Variants in LRRC1 observed in about 807,000 individuals in gnomAD.
LRRC1 encodes the protein leucine rich repeat containing 1.
LRRC1 carries 28 observed loss-of-function variants against 69.9 expected under a neutral mutation model. The ratio of observed to expected loss-of-function variants is 0.40; its 90% CI spans 0.30 to 0.55. LRRC1 has a LOEUF of 0.55. Ranked by LOEUF, LRRC1 falls within the 20% of genes least tolerant of loss-of-function variation. LRRC1 has a pLI of 0.47. For synonymous variants in LRRC1, 236 were observed against 240.2 expected (o/e 0.98, Z 0.16); for missense variants, 498 against 609.0 (o/e 0.82, Z 1.92).
chr6:53,813,286 T>A (rs1463294838), intron 1 of LRRC1, among the ~76,000 whole-genome samples: 3 of 151,686 alleles, frequency 2.0e-5, no homozygotes, highest in Non-Finnish European at 4.4e-5. Flanking sequence ...ATTGGAGGGG[T>A]GTGGTGGTCA....
At chr6:53,881,934 A>C (rs1433139830) in intron 3 of LRRC1, among the ~76,000 whole-genome samples, 2 of 152,242 alleles carry the variant, frequency 1.3e-5, no homozygotes, top group Non-Finnish European at 2.9e-5. Flanking sequence ...ATTTTATTTT[A>C]AAGCCTTGTT....
At chr6:53,909,048 A>G (rs1170914749) in intron 10 of LRRC1, among the ~76,000 whole-genome samples, 2 of 152,220 alleles carry the variant, frequency 1.3e-5, no homozygotes, top group East Asian at 3.8e-4. Context: ...TGATTCTGCA[A>G]TTCCACGTCT....
chr6:53,875,486 TA>T lies in LRRC1; in HGVS notation c.278-3496del, dbSNP rs559572258. Among the ~76,000 whole-genome samples the T allele has an allele frequency of 4.1e-3, 608 of 147,634 alleles. 5 individuals are homozygous for T. In the East Asian group the frequency reaches 0.043, roughly 10 times the overall value. ...TGTGCACACGTGTGTGTGTGACAAG[TA>T]AAAAAAAAAATCACAATAAAAGATT... On this transcript the variant is annotated intron_variant, in intron 2 of 13. Coordinates refer to ENST00000370888, the MANE Select transcript of LRRC1 (RefSeq NM_018214.5).
intron 1 of LRRC1, among the ~76,000 whole-genome samples, chr6:53,812,957 A>T (rs907116245): frequency 2.0e-5 from 3 of 152,020 alleles, no homozygotes; most frequent in South Asian, 2.1e-4. Flanking sequence ...AGAGTGCTCA[A>T]CTATACAGGC....
At chr6:53,808,973 T>C (rs943260747) in intron 1 of LRRC1, among the ~76,000 whole-genome samples, 1 of 152,188 alleles carries the variant, frequency 6.6e-6, no homozygotes, top group Admixed American at 6.5e-5. Context: ...CACCCATTCT[T>C]TGGTGCTGGA....
At chr6:53,798,593 A>G (rs994693051) in intron 1 of LRRC1, among the ~76,000 whole-genome samples, 2 of 152,158 alleles carry the variant, frequency 1.3e-5, no homozygotes, top group South Asian at 2.1e-4. Flanking sequence ...GTTAGCCAGG[A>G]TGGTCTCGAT....
intron 1 of LRRC1, among the ~76,000 whole-genome samples, chr6:53,802,987 T>C (rs1764529979): frequency 6.6e-6 from 1 of 152,212 alleles, no homozygotes; most frequent in Non-Finnish European, 1.5e-5. Context: ...AAAATGAGCC[T>C]GCTTCCACAA....
chr6:53,830,794 A>G (rs1443993723), intron 1 of LRRC1, among the ~76,000 whole-genome samples: 2 of 151,828 alleles, frequency 1.3e-5, no homozygotes, highest in African/African-American at 4.8e-5. Flanking sequence ...GTGCAAAAGT[A>G]ATTACGGTTT....
In LRRC1 at chr6:53,882,931, C is replaced by T; in HGVS notation, c.401C>T (p.Ser134Phe). 6 of 1,609,292 alleles carry T rather than the reference C, an allele frequency of 3.7e-6. No individual in the cohort carries two copies. The South Asian group carries it at 5.6e-5, about 15-fold the overall frequency. ...GAATTACAGAATTTAACATGTCTTT[C>T]TGTAAATGACATCTCACTACAGTCT... ...FPELQNLTCL[S>F]VNDISLQSLP... Residue 134 changes from serine (S) to phenylalanine (F), a missense_variant, in exon 4 of 14, where the codon TCT becomes TTT. By Grantham distance (155) the Ser-to-Phe change is radical. Coordinates refer to ENST00000370888, the MANE Select transcript of LRRC1 (RefSeq NM_018214.5).
chr6:53,858,203 CTTCT>C (rs1184732178), intron 2 of LRRC1, among the ~76,000 whole-genome samples: 1 of 152,108 alleles, frequency 6.6e-6, no homozygotes, highest in Non-Finnish European at 1.5e-5. Context: ...GTAGTCCCTC[CTTCT>C]AAGACTCTAC....
At chr6:53,857,263 A>G (rs12201245) in intron 2 of LRRC1, among the ~76,000 whole-genome samples, 18,041 of 152,208 alleles carry the variant, frequency 0.12, 1,325 homozygotes, top group Non-Finnish European at 0.17. Flanking sequence ...ATCCCTGCTC[A>G]AGGGAAAGCA....
At chr6:53,863,108 A>T (rs1766585102) in intron 2 of LRRC1, among the ~76,000 whole-genome samples, 1 of 152,214 alleles carries the variant, frequency 6.6e-6, no homozygotes, top group South Asian at 2.1e-4. Context: ...GCCTGTCAGC[A>T]TCTCTTTTTA....
At position 53,795,022 on chromosome 6, in the gene LRRC1, G is replaced by T; in HGVS notation, c.-235G>T. The T allele has an allele frequency of 2.9e-6, 1 of 344,146 alleles. No homozygotes were observed. The highest frequency in any genetic ancestry group is 5.2e-6 in the Non-Finnish European group (1 of 191,012). The allele number at this position is 344,146 out of a possible 1,614,324, so 21.3% of individuals were successfully genotyped here. A position where few individuals can be genotyped will look rare whatever the true frequency, so the allele number is the denominator to read the frequency against. Reference sequence around the variant, plus strand: ...GCGGGGGCGGCGACGGCGACTGGCGGGTGGGAGTGGAGGCACCGGCTGGCG... The same window carrying T: ...GCGGGGGCGGCGACGGCGACTGGCGTGTGGGAGTGGAGGCACCGGCTGGCG... On this transcript the variant is annotated 5_prime_UTR_variant, in exon 1 of 14. Coordinates refer to ENST00000370888, the MANE Select transcript of LRRC1 (RefSeq NM_018214.5).
Position 53,922,833 on chromosome 6 carries a change from C to T in LRRC1, c.*40C>T. On this transcript the variant is annotated 3_prime_UTR_variant, in exon 14 of 14. Transcript: ENST00000370888. ...GTTTTACCTCCTGTGTCTTCCTCTGCTGTCGAGACGTTCCTGTCTGCTTCC... is the reference window on the plus strand; with the variant it reads ...GTTTTACCTCCTGTGTCTTCCTCTGTTGTCGAGACGTTCCTGTCTGCTTCC... 6.3e-7 allele frequency: 1 copy of T among 1,593,204 alleles called. No homozygotes were observed. Among genetic ancestry groups the T allele is most frequent in the East Asian group, 2.2e-5 (1 of 44,704 alleles).
intron 1 of LRRC1, among the ~76,000 whole-genome samples, chr6:53,829,166 G>C (rs1383665979): frequency 6.6e-6 from 1 of 152,132 alleles, no homozygotes; most frequent in Non-Finnish European, 1.5e-5. Context: ...AGACATACTG[G>C]GACTTTGAAC....
At chr6:53,813,866 G>A (rs1169082725) in intron 1 of LRRC1, among the ~76,000 whole-genome samples, 1 of 152,124 alleles carries the variant, frequency 6.6e-6, no homozygotes, top group Non-Finnish European at 1.5e-5. Context: ...TAAGTAAGTA[G>A]CTAAATTAGT....
chr6:53,858,927 G>T (rs1452223385), intron 2 of LRRC1, among the ~76,000 whole-genome samples: 1 of 152,024 alleles, frequency 6.6e-6, no homozygotes, highest in Non-Finnish European at 1.5e-5. Context: ...TTTTTAAAAT[G>T]CTTCTTTTAA....
intron 12 of LRRC1, among the ~76,000 whole-genome samples, chr6:53,920,382 C>T (rs1024110092): frequency 6.6e-6 from 1 of 152,168 alleles, no homozygotes; most frequent in Non-Finnish European, 1.5e-5. Flanking sequence ...TATATGATCT[C>T]AAATAGAATT....
At chr6:53,889,371 G>T (rs562091039) in intron 4 of LRRC1, among the ~76,000 whole-genome samples, 1 of 152,030 alleles carries the variant, frequency 6.6e-6, no homozygotes, top group Non-Finnish European at 1.5e-5. Flanking sequence ...ATACTCAAAA[G>T]AATTGAAAAC....
Sources: gnomAD v4.1 joint callset for allele counts (sites outside exome capture counted in the v4.1 genomes callset) on GRCh38, gnomAD v4.1.1 for gene constraint, MANE v1.5 for transcripts, NCBI Gene and HGNC (gene_info 2026-07-23, HGNC 2026-07-21) for gene names.